Variants in MUC5B observed in about 807,000 individuals in gnomAD.
MUC5B encodes mucin-5B.
Under a neutral mutation model 376.9 loss-of-function variants are expected in MUC5B, and 116 were observed. The ratio of observed to expected loss-of-function variants is 0.31; its 90% CI spans 0.26 to 0.36. The LOEUF (loss-of-function observed/expected upper bound fraction) is 0.36. MUC5B is among the 10% of genes least tolerant of loss of function. The pLI is 1.00. For missense variants in MUC5B, 7,165 were observed against 7,769.9 expected (o/e 0.92, Z 2.93); for synonymous variants, 3,517 against 3,390.9 (o/e 1.04, Z -1.29).
At chr11:1,229,638 C>A in intron 9 of MUC5B, 52 bp from the exon 10 acceptor site, 3 of 1,457,280 alleles carry the variant, frequency 2.1e-6, no homozygotes, top group Non-Finnish European at 2.8e-6. Flanking sequence ...TGTCTTCTGA[C>A]CTTGGTGTCC....
Position 1,223,099 on chromosome 11 carries a change from C to T in MUC5B, c.-25C>T, listed in dbSNP as rs1299214219. Reference sequence around the variant, plus strand: ...CGGCTCCCTCCCTGCCCGTCCCCGTCCCCCCACCCGTGCCAGCCCCCAGGA... The same window carrying T: ...CGGCTCCCTCCCTGCCCGTCCCCGTTCCCCCACCCGTGCCAGCCCCCAGGA... On this transcript the variant is annotated 5_prime_UTR_variant, in exon 1 of 49. Transcript: ENST00000529681. 1.4e-6 allele frequency: 1 copy of T among 693,762 alleles called. No individual in the cohort carries two copies. Among genetic ancestry groups the T allele is most frequent in the Non-Finnish European group, 2.6e-6 (1 of 379,350 alleles). 43.0% of individuals were successfully genotyped at this position (693,762 alleles called of 1,614,324 possible).
chr11:1,254,389 TC>T (rs775944438), intron 34 of MUC5B, 38 bp downstream of exon 34: 31 of 1,590,996 alleles, frequency 1.9e-5, no homozygotes, highest in Non-Finnish European at 2.4e-5. Flanking sequence ...GTTGGCCCAG[TC>T]CCAACCGCAC....
chr11:1,259,921 G>T (rs1862953241), intron 45 of MUC5B, 42 bp from the exon 46 acceptor site: 1 of 1,612,648 alleles, frequency 6.2e-7, no homozygotes, highest in South Asian at 1.1e-5. Context: ...CTGCACAAGA[G>T]GTAATCCCTA....
chr11:1,260,587 G>T, intron 47 of MUC5B, 39 bp from the exon 48 acceptor site: 1 of 1,565,288 alleles, frequency 6.4e-7, no homozygotes, highest in Non-Finnish European at 8.8e-7. Context: ...TCAGAGTGAG[G>T]GTCCAGTGGG....
chr11:1,251,775 T>C, intron 31 of MUC5B, 32 bp downstream of exon 31: 1 of 1,444,652 alleles, frequency 6.9e-7, no homozygotes, highest in Non-Finnish European at 9.5e-7. Flanking sequence ...TGCTGTACCC[T>C]TTCCCCACAT....
At position 1,251,039 on chromosome 11, in the gene MUC5B, G is replaced by T. The variant is rs1287684456; in HGVS notation, c.14159G>T (p.Ser4720Ile). 6.2e-7 allele frequency: 1 copy of T among 1,610,906 alleles called. No individual in the cohort carries two copies. The highest frequency in any genetic ancestry group is 1.7e-5 in the Admixed American group (1 of 59,952). The change falls in exon 31 of 49, where the codon AGC (serine) becomes ATC (isoleucine). Residue 4720 changes from serine (S) to isoleucine (I), a missense_variant. Around this residue, in one of 31 missense-constraint regions of MUC5B, gnomAD observed 730 missense variants for 592.7 expected, o/e 1.23. Transcript: ENST00000529681. ...ACGGCCACCACACCCGCAGCCACCA[G>T]CTCCAAAGCCACTTCCTCCTCCAGT... ...TSTATTPAAT[S>I]SKATSSSSPR... is the part of the protein sequence containing the mutation.
chr11:1,260,685 G>A lies in MUC5B; in HGVS notation c.17026G>A (p.Val5676Ile), dbSNP rs1862974284. The change falls in exon 48 of 49, where the codon GTC becomes ATC. Residue 5676 changes from valine (V) to isoleucine (I), a missense_variant. Val to Ile is a conservative substitution (Grantham distance 29). This residue lies in a region of MUC5B where 842 missense variants were observed against 1,016.9 expected (regional missense o/e 0.83). Coordinates refer to ENST00000529681, the MANE Select transcript of MUC5B (RefSeq NM_002458.3). ...GTGGCACCAGGGCTGCGAGACCGAG[G>A]TCAACATCACCTTCTGCGAGGGCTC... ...ILWHQGCETE[V>I]NITFCEGSCP... is the part of the protein sequence containing the mutation. 3.7e-6 allele frequency: 6 copies of A among 1,612,448 alleles called. No individual in the cohort carries two copies. The highest frequency in any genetic ancestry group is 1.6e-4 in the Middle Eastern group (1 of 6,082).
At chr11:1,229,329 C>CT (rs1256698608) in intron 9 of MUC5B, 34 bp downstream of exon 9, 2 of 1,508,492 alleles carry the variant, frequency 1.3e-6, no homozygotes, top group East Asian at 4.9e-5. Flanking sequence ...CCTCAGGGGG[C>CT]TTTCAGGTCC....
In MUC5B at chr11:1,245,915, C is replaced by G. The variant is rs557339885; in HGVS notation, c.9035C>G (p.Pro3012Arg). Residue 3012 changes from proline to arginine, a missense_variant, in exon 31 of 49, where the codon CCG becomes CGG. Pro to Arg is a moderately radical substitution (Grantham distance 103). This residue lies in a region of MUC5B where 939 missense variants were observed against 770.6 expected (regional missense o/e 1.22). Transcript: ENST00000529681. ...TTATTGSTAI[P>R]SSTPGTAPPP... is the part of the protein sequence containing the mutation. ...GCAACCACTGGATCCACGGCCATCC[C>G]GTCCTCCACCCCGGGAACAGCTCCC... 3 of 1,603,652 alleles carry G rather than the reference C, an allele frequency of 1.9e-6. No homozygotes were observed. The highest frequency in any genetic ancestry group is 4.5e-5 in the East Asian group (2 of 44,838).
intron 1 of MUC5B, among the ~76,000 whole-genome samples, chr11:1,225,431 G>A (rs569896280): frequency 4.6e-5 from 7 of 152,242 alleles, no homozygotes; most frequent in Admixed American, 1.3e-4. Flanking sequence ...CTTCCATCCC[G>A]CAGGCTTTCC....
intron 10 of MUC5B, 35 bp from the exon 11 acceptor site, chr11:1,229,970 G>A (rs369202920): frequency 6.4e-6 from 10 of 1,567,228 alleles, no homozygotes; most frequent in South Asian, 1.2e-5. Flanking sequence ...ACCTCCTCCC[G>A]ACATGCCGGT....
intron 26 of MUC5B, 189 bp from the exon 27 acceptor site, chr11:1,239,249 A>C (rs1862224308): frequency 3.3e-6 from 3 of 907,862 alleles, no homozygotes; most frequent in Non-Finnish European, 4.9e-6. Context: ...AGGGGACAAG[A>C]GTTCCAAGGG....
At position 1,260,023 on chromosome 11, in the gene MUC5B, G is replaced by A. The variant is rs778298652; in HGVS notation, c.16861G>A (p.Glu5621Lys). ...DNCTVYLCEA[E>K]GGVHLLTPQP... ...CTGCACCGTGTACCTCTGTGAGGCT[G>A]AGGGTGGAGTCCATTTGCTGACCCC... Residue 5621 changes from glutamate to lysine, a missense_variant, in exon 46 of 49, where the codon GAG becomes AAG. Around this residue, in one of 31 missense-constraint regions of MUC5B, gnomAD observed 842 missense variants for 1,016.9 expected, o/e 0.83. Transcript: ENST00000529681. 2 of 1,612,902 alleles carry A rather than the reference G, an allele frequency of 1.2e-6. No homozygotes were observed. Among genetic ancestry groups the A allele is most frequent in the South Asian group, 1.1e-5 (1 of 91,090 alleles).
chr11:1,244,163 C>T lies in MUC5B; in HGVS notation c.7283C>T (p.Ser2428Phe). Residue 2428 changes from serine (S) to phenylalanine (F), a missense_variant, in exon 31 of 49, where the codon TCC (serine) becomes TTC (phenylalanine). Transcript: ENST00000529681. ...PATSSTAMPS[S>F]TPGTTWILTE... ...ACCAGCTCTACGGCCATGCCCTCCT[C>T]CACTCCGGGGACGACCTGGATCCTC... is the stretch of plus-strand genomic sequence containing the variant. 1 of 1,613,426 alleles carries T rather than the reference C, an allele frequency of 6.2e-7. No individual in the cohort carries two copies. The highest frequency in any genetic ancestry group is 1.3e-5 in the African/African-American group (1 of 74,974).
At chr11:1,228,809 A>T (rs1590168694) in intron 8 of MUC5B, 44 bp downstream of exon 8, 2 of 631,246 alleles carry the variant, frequency 3.2e-6, no homozygotes, top group Non-Finnish European at 4.0e-6. Context: ...GCCAGAGAGA[A>T]GGGGCAGGGG....
At chr11:1,256,815 C>T in intron 39 of MUC5B, 44 bp downstream of exon 39, 1 of 1,455,094 alleles carries the variant, frequency 6.9e-7, no homozygotes, top group South Asian at 1.3e-5. Context: ...TGGGCCCGAC[C>T]CAAGCACACA....
In MUC5B at chr11:1,248,239, A is replaced by G. The variant is rs1862552728; in HGVS notation, c.11359A>G (p.Thr3787Ala). The change falls in exon 31 of 49, where the codon ACC (threonine) becomes GCC (alanine). Residue 3787 changes from threonine to alanine, a missense_variant. By Grantham distance (58) the Thr-to-Ala change is moderately conservative. Transcript: ENST00000529681. ...CCTTCCAGCACTGAGAAGCACAGCCACCACACCCACAGCTACCAGCTTTAC... is the reference window on the plus strand; with the variant it reads ...CCTTCCAGCACTGAGAAGCACAGCCGCCACACCCACAGCTACCAGCTTTAC... Reference protein sequence around the residue: ...TALPALRSTATTPTATSFTAI... With the variant: ...TALPALRSTAATPTATSFTAI... 2 of 1,594,210 alleles carry G rather than the reference A, an allele frequency of 1.3e-6. No homozygotes were observed. The highest frequency in any genetic ancestry group is 1.7e-6 in the Non-Finnish European group (2 of 1,167,414).
At position 1,246,955 on chromosome 11, in the gene MUC5B, G is replaced by T. The variant is rs200708304; in HGVS notation, c.10075G>T (p.Ala3359Ser). The change falls in exon 31 of 49, where the codon GCC becomes TCC. Residue 3359 changes from alanine (A) to serine (S), a missense_variant. Coordinates refer to ENST00000529681, the MANE Select transcript of MUC5B (RefSeq NM_002458.3). ...PSSIPGTTHT[A>S]TVLTTTTTTV... Reference sequence around the variant, plus strand: ...CTCCATCCCGGGGACCACCCACACCGCCACAGTGCTGACCACCACCACCAC... The same window carrying T: ...CTCCATCCCGGGGACCACCCACACCTCCACAGTGCTGACCACCACCACCAC... The T allele has an allele frequency of 7.6e-6, 12 of 1,585,444 alleles. No homozygotes were observed. The South Asian group carries it at 7.8e-5, about 10-fold the overall frequency.
At chr11:1,233,353 C>T (rs979483907) in intron 18 of MUC5B, 85 bp downstream of exon 18, 10 of 1,404,624 alleles carry the variant, frequency 7.1e-6, no homozygotes, top group African/African-American at 2.9e-5. Flanking sequence ...TGCCTCCCCC[C>T]GAGGGTTCTG....
Sources: allele counts gnomAD v4.1 joint callset (sites outside exome capture counted in the v4.1 genomes callset), GRCh38; gene constraint gnomAD v4.1.1; regional missense constraint gnomAD v4.1.1; transcripts MANE v1.5; gene names NCBI Gene and HGNC (gene_info 2026-07-23, HGNC 2026-07-21).